Variants in UTY observed in about 807,000 individuals in gnomAD.
UTY encodes ubiquitously transcribed tetratricopeptide repeat containing, Y-linked, also known as histone demethylase UTY.
UTY carries 12 observed loss-of-function variants against 32.5 expected under a neutral mutation model. That is an observed-to-expected ratio of 0.37 (90% CI 0.24 to 0.60). UTY has a LOEUF of 0.60. Ranked by LOEUF, UTY falls within the 20% of genes least tolerant of loss-of-function variation. UTY has a pLI of 0.69. For synonymous variants in UTY, 131 were observed against 103.4 expected, an observed-to-expected ratio of 1.27 and a Z score of -1.62; for missense variants, 303 against 299.2, an observed-to-expected ratio of 1.01 and a Z score of -0.09.
downstream of UTY, among the ~76,000 whole-genome samples, chrY:13,244,324 A>G: frequency 3.0e-5 from 1 of 33,242 alleles, no homozygotes; most frequent in Non-Finnish European, 7.4e-5. Flanking sequence ...ATTATGTTTT[A>G]TCATTCAACA....
intron 17 of UTY, among the ~76,000 whole-genome samples, chrY:13,353,071 CTAAACAA>C (rs2062557243): frequency 5.9e-5 from 2 of 34,083 alleles, no homozygotes; most frequent in Non-Finnish European, 1.5e-4. Context: ...GGTGGCTACA[CTAAACAA>C]TAGATTTTCA....
At chrY:13,368,360 G>A in intron 9 of UTY, among the ~76,000 whole-genome samples, 1 of 28,652 alleles carries the variant, frequency 3.5e-5, no homozygotes, top group Admixed American at 3.2e-4. Flanking sequence ...GTGAGCCACT[G>A]CGCCCGGCCT....
In UTY at chrY:13,465,737, G is replaced by C. The variant is rs768412167; in HGVS notation, c.325+4384C>G. The stretch of plus-strand genomic sequence containing the variant: ...GCCCAAAGCATATGGAGTCTCATCT[G>C]CCCATGTCCACTTGCACCATAGCTG... On this transcript the variant is annotated intron_variant, in intron 3 of 29. Transcript: ENST00000545955. Among the ~76,000 whole-genome samples the C allele has an allele frequency of 2.7e-4, 9 of 33,197 alleles. No homozygotes were observed. The East Asian group carries it at 7.1e-3, about 26-fold the overall frequency. 89.1% of individuals were successfully genotyped at this position (33,197 alleles called of 37,273 possible). A position where few individuals can be genotyped will look rare whatever the true frequency, so the allele number is the denominator to read the frequency against.
intron 8 of UTY, among the ~76,000 whole-genome samples, chrY:13,382,873 G>A: frequency 6.0e-5 from 2 of 33,565 alleles, no homozygotes; most frequent in Admixed American, 5.4e-4. Context: ...ATTATAGCAC[G>A]AGTAAAAAGA....
intron 4 of UTY, among the ~76,000 whole-genome samples, chrY:13,444,706 T>C (rs2075497190): frequency 3.0e-5 from 1 of 33,800 alleles, no homozygotes; most frequent in Non-Finnish European, 7.3e-5. Context: ...TCACAAACTC[T>C]TTCCAAAAAT....
At chrY:13,417,446 T>A (rs979316022) in intron 4 of UTY, among the ~76,000 whole-genome samples, 2 of 33,749 alleles carry the variant, frequency 5.9e-5, no homozygotes, top group Non-Finnish European at 1.5e-4. Flanking sequence ...AAATACTTCC[T>A]CTTTTTCTTA....
At chrY:13,400,894 A>G (rs2068921656) in intron 6 of UTY, among the ~76,000 whole-genome samples, 1 of 33,549 alleles carries the variant, frequency 3.0e-5, no homozygotes, top group South Asian at 6.6e-4. Flanking sequence ...AATAAAAAAT[A>G]ATAAAAGAAA....
At chrY:13,468,789 A>G in intron 3 of UTY, among the ~76,000 whole-genome samples, 1 of 33,908 alleles carries the variant, frequency 2.9e-5, no homozygotes, top group Non-Finnish European at 7.3e-5. Context: ...ATCTGTTACT[A>G]TAAACCATTT....
At chrY:13,258,343 G>C (rs373407781) in intron 28 of UTY, among the ~76,000 whole-genome samples, 12 of 33,422 alleles carry the variant, frequency 3.6e-4, no homozygotes, top group African/African-American at 1.4e-3. Flanking sequence ...ATGTTCAGCT[G>C]GTCTGAACAA....
chrY:13,407,200 G>C, intron 6 of UTY, among the ~76,000 whole-genome samples: 2 of 31,495 alleles, frequency 6.4e-5, no homozygotes, highest in Admixed American at 5.8e-4. Flanking sequence ...TATATACAAA[G>C]TATAACAAAA....
rs755573022 is a variant in UTY, at chrY:13,335,553, C to G, written c.2834+10G>C. The G allele has an allele frequency of 2.5e-6, 1 of 395,875 alleles. No homozygotes were observed. Among genetic ancestry groups the G allele is most frequent in the African/African-American group, 6.4e-5 (1 of 15,553 alleles). On this transcript the variant is annotated intron_variant, in intron 18 of 29. Coordinates refer to ENST00000545955, the MANE Select transcript of UTY (RefSeq NM_001258249.2). ...CATTTTCATTTTGTGAAGAATTTTCCCACACTAACCTGCATGCTTTCAGAA... is the reference window on the plus strand; with the variant it reads ...CATTTTCATTTTGTGAAGAATTTTCGCACACTAACCTGCATGCTTTCAGAA...
At chrY:13,311,370 C>A (rs2059061420) in intron 21 of UTY, among the ~76,000 whole-genome samples, 1 of 32,420 alleles carries the variant, frequency 3.1e-5, no homozygotes, top group African/African-American at 1.2e-4. Flanking sequence ...CCGAGGCGGG[C>A]GGATCACGAG....
At chrY:13,240,453 G>C in intron 28 of UTY, among the ~76,000 whole-genome samples, 1 of 33,532 alleles carries the variant, frequency 3.0e-5, no homozygotes, top group Non-Finnish European at 7.4e-5. Flanking sequence ...ATCCCCACTT[G>C]CATTAGACCA....
At chrY:13,421,746 G>A in intron 4 of UTY, among the ~76,000 whole-genome samples, 2 of 33,223 alleles carry the variant, frequency 6.0e-5, no homozygotes, top group Non-Finnish European at 1.5e-4. Context: ...TACTGCAAGA[G>A]ACACTGGGAT....
chrY:13,332,944 C>T, intron 18 of UTY, among the ~76,000 whole-genome samples: 2 of 33,439 alleles, frequency 6.0e-5, no homozygotes, highest in Non-Finnish European at 1.5e-4. Flanking sequence ...TTCCTATACA[C>T]CAGTCATAGA....
intron 6 of UTY, among the ~76,000 whole-genome samples, chrY:13,405,063 A>AT (rs2069667166): frequency 3.1e-5 from 1 of 32,719 alleles, no homozygotes; most frequent in Non-Finnish European, 7.6e-5. Flanking sequence ...ATATGTGTAC[A>AT]TATGTGTGTG....
intron 7 of UTY, chrY:13,396,185 T>C: frequency 6.1e-5 from 2 of 32,554 alleles, no homozygotes; most frequent in Non-Finnish European, 1.5e-4. Context: ...GTGTTGGGAT[T>C]ACAGGTGTGA....
At chrY:13,406,604 G>T in intron 6 of UTY, among the ~76,000 whole-genome samples, 1 of 31,136 alleles carries the variant, frequency 3.2e-5, no homozygotes, top group East Asian at 7.9e-4. Context: ...TAATGTTGAT[G>T]TGTGTTCAAA....
intron 4 of UTY, among the ~76,000 whole-genome samples, chrY:13,438,777 C>A (rs2074931249): frequency 3.0e-5 from 1 of 32,919 alleles, no homozygotes. Context: ...ACGGAGTTTA[C>A]AGAGCCAGGT....
Sources: allele counts gnomAD v4.1 joint callset (sites outside exome capture counted in the v4.1 genomes callset), GRCh38; gene constraint gnomAD v4.1.1; transcripts MANE v1.5; gene names NCBI Gene and HGNC (gene_info 2026-07-23, HGNC 2026-07-21).